The following LMBR1 variants were observed in gnomAD, a reference collection of about 807,000 sequenced individuals.
LMBR1 encodes the protein limb region 1 protein homolog.
Under a neutral mutation model 73.9 loss-of-function variants are expected in LMBR1, and 52 were observed. The ratio of observed to expected loss-of-function variants is 0.70; its 90% CI spans 0.56 to 0.89. LMBR1 has a LOEUF of 0.89. Ranked by LOEUF, LMBR1 falls within the 40% of genes least tolerant of loss-of-function variation. LMBR1 has a pLI of 0.00. For synonymous variants in LMBR1, 215 were observed against 209.4 expected (o/e 1.03, Z -0.23); for missense variants, 539 against 579.8 (o/e 0.93, Z 0.72).
intron 4 of LMBR1, among the ~76,000 whole-genome samples, chr7:156,810,629 G>A (rs1413931348): frequency 6.6e-6 from 1 of 151,802 alleles, no homozygotes; most frequent in Non-Finnish European, 1.5e-5. Context: ...CTGACCTCAA[G>A]TGATCCACCC....
At chr7:156,803,482 C>T (rs1054981443) in intron 4 of LMBR1, among the ~76,000 whole-genome samples, 52 of 152,200 alleles carry the variant, frequency 3.4e-4, no homozygotes, top group Middle Eastern at 3.4e-3. Context: ...GAATGGCGAT[C>T]ATTAAAAAGT....
intron 5 of LMBR1, among the ~76,000 whole-genome samples, chr7:156,779,110 ACT>A (rs1430672279): frequency 1.3e-5 from 2 of 152,158 alleles, no homozygotes; most frequent in African/African-American, 2.4e-5. Flanking sequence ...GACTATAAGA[ACT>A]TCTATTTATT....
intron 1 of LMBR1, among the ~76,000 whole-genome samples, chr7:156,864,390 C>T (rs941443306): frequency 6.6e-6 from 1 of 152,092 alleles, no homozygotes; most frequent in African/African-American, 2.4e-5. Context: ...GTCTTATCAC[C>T]TTATTCAAAT....
intron 15 of LMBR1, among the ~76,000 whole-genome samples, chr7:156,698,319 G>C (rs187278323): frequency 1.3e-5 from 2 of 152,308 alleles, no homozygotes; most frequent in African/African-American, 4.8e-5. Context: ...CTACCATTTT[G>C]AGGTCTGGAA....
rs923456707 is a variant in LMBR1, at chr7:156,670,927, T to G, written n.867-1640A>C. 6.6e-6 allele frequency among the ~76,000 whole-genome samples: 1 copy of G among 152,078 alleles called. No individual in the cohort carries two copies. Among genetic ancestry groups the G allele is most frequent in the Non-Finnish European group, 1.5e-5 (1 of 68,022 alleles). On this transcript the variant is annotated intron_variant and non_coding_transcript_variant, in intron 4 of 4. Transcript: ENST00000430825. The surrounding 1 kb of genome is among the most constrained non-coding windows in gnomAD (Gnocchi z 4.3). ...GTGAGTAAATCTAATAGACATTGAT[T>G]CCACCGAACAAGAAAACTCATGTCT...
intron 1 of LMBR1, among the ~76,000 whole-genome samples, chr7:156,890,236 G>A (rs1189278096): frequency 6.6e-6 from 1 of 152,112 alleles, no homozygotes; most frequent in Non-Finnish European, 1.5e-5. Context: ...ATTCAATAAA[G>A]CATTTAGAGA....
At chr7:156,751,470 T>G (rs909272916) in intron 9 of LMBR1, among the ~76,000 whole-genome samples, 3 of 152,106 alleles carry the variant, frequency 2.0e-5, no homozygotes, top group Non-Finnish European at 4.4e-5. Flanking sequence ...ACTCTTGCTG[T>G]TATCCAGACT....
At chr7:156,869,497 A>G (rs1471373610) in intron 1 of LMBR1, among the ~76,000 whole-genome samples, 1 of 152,196 alleles carries the variant, frequency 6.6e-6, no homozygotes, top group African/African-American at 2.4e-5. Context: ...AACATAAAAT[A>G]CCTACAGAAG....
intron 4 of LMBR1, chr7:156,822,186 A>G (rs1018772750): frequency 5.9e-5 from 9 of 152,236 alleles, no homozygotes; most frequent in Admixed American, 2.6e-4. Context: ...ATAGGAATAG[A>G]CAGACAAACC....
At position 156,804,491 on chromosome 7, in the gene LMBR1, C is replaced by T. The variant is rs575327467; in HGVS notation, c.320-7999G>A. ...GTGGTTGTATTTTACAGTCTCTCAC[C>T]AGCAGAGATCAAGTTCATCCACATT... On this transcript the variant is annotated intron_variant, in intron 4 of 16. Coordinates refer to ENST00000353442, the MANE Select transcript of LMBR1 (RefSeq NM_022458.4). 3.5e-4 allele frequency among the ~76,000 whole-genome samples: 53 copies of T among 152,318 alleles called. 1 individual carries two copies. The South Asian group carries it at 7.9e-3, about 23-fold the overall frequency.
intron 15 of LMBR1, among the ~76,000 whole-genome samples, chr7:156,704,500 G>A (rs1810484748): frequency 6.6e-6 from 1 of 151,800 alleles, no homozygotes; most frequent in African/African-American, 2.4e-5. Context: ...TATTGCTCCG[G>A]ATGCGCAGAA....
chr7:156,718,907 G>A (rs1354464056), intron 15 of LMBR1, among the ~76,000 whole-genome samples: 1 of 151,308 alleles, frequency 6.6e-6, no homozygotes, highest in African/African-American at 2.4e-5. Context: ...ATTAAAAACT[G>A]AAAGGTAAGA....
downstream of LMBR1, chr7:156,676,834 T>C: frequency 1.7e-6 from 1 of 583,254 alleles, no homozygotes; most frequent in Non-Finnish European, 3.0e-6. Flanking sequence ...CTAATTTTAA[T>C]CTTTGGTCTC....
At chr7:156,885,818 T>C (rs10949610) in intron 1 of LMBR1, among the ~76,000 whole-genome samples, 69,662 of 151,734 alleles carry the variant, frequency 0.46, 16,180 homozygotes, top group East Asian at 0.61. Context: ...GCAGAGGTTA[T>C]CGTGAGCCGA....
rs1334012419 is a variant in LMBR1, at chr7:156,875,476, G to C, written c.66+17452C>G. On this transcript the variant is annotated intron_variant, in intron 1 of 16. Coordinates refer to ENST00000353442, the MANE Select transcript of LMBR1 (RefSeq NM_022458.4). ...TACAAGAAGCTCAAAGAACACTTGG[G>C]AAATTAATCGTAAAAAGATCATCTC... Among the ~76,000 whole-genome samples, 3 of 152,140 alleles carry C rather than the reference G, an allele frequency of 2.0e-5. No homozygotes were observed. In the South Asian group the frequency reaches 6.2e-4, roughly 31 times the overall value.
intron 9 of LMBR1, among the ~76,000 whole-genome samples, chr7:156,745,479 G>A (rs1819678959): frequency 6.6e-6 from 1 of 152,182 alleles, no homozygotes; most frequent in Non-Finnish European, 1.5e-5. Context: ...TATGTTCCTA[G>A]GGGCTAGGGA....
Position 156,725,516 on chromosome 7 carries a change from C to T in LMBR1, c.1077G>A (p.Met359Ile). The T allele has an allele frequency of 4.4e-6, 7 of 1,592,422 alleles. No individual in the cohort carries two copies. The highest frequency in any genetic ancestry group is 6.0e-6 in the Non-Finnish European group (7 of 1,168,642). ...ALEIILIFYL[M>I]VSSVVGFYSL... The stretch of plus-strand genomic sequence containing the variant: ...TATAGAAGCCGACAACAGAGGACAC[C>T]ATAAGATAGCTGTGAGAATCAAGGA... Residue 359 changes from methionine to isoleucine, a missense_variant, in exon 14 of 17, where the codon ATG (methionine) becomes ATA (isoleucine). Transcript: ENST00000353442.
chr7:156,688,336 A>C lies in LMBR1; in HGVS notation c.1226-145T>G, dbSNP rs547099584. 39 of 582,352 alleles carry C rather than the reference A, an allele frequency of 6.7e-5. No individual in the cohort carries two copies. In the South Asian group the frequency reaches 1.1e-3, roughly 17 times the overall value. The allele number at this position is 582,352 out of a possible 1,614,324, so 36.1% of individuals were successfully genotyped here. A position where few individuals can be genotyped will look rare whatever the true frequency, so the allele number is the denominator to read the frequency against. ...TGCTCTAATGAATAAATCCTAATTT[A>C]AAATATGTAACTATTATCTAGTGGG... On this transcript the variant is annotated intron_variant, in intron 15 of 16. Transcript: ENST00000353442.
At chr7:156,684,286 G>A (rs1244315214) in intron 16 of LMBR1, 123 bp from the exon 17 acceptor site, 10 of 750,982 alleles carry the variant, frequency 1.3e-5, no homozygotes, top group Non-Finnish European at 2.3e-5. Flanking sequence ...TGAGGTGCTG[G>A]CCAGATCCCC....
Sources: allele counts gnomAD v4.1 joint callset (sites outside exome capture counted in the v4.1 genomes callset), GRCh38; gene constraint gnomAD v4.1.1; non-coding constraint Gnocchi (gnomAD v3.1); transcripts MANE v1.5; gene names NCBI Gene and HGNC (gene_info 2026-07-23, HGNC 2026-07-21).